Variants in COL18A1 observed in about 807,000 individuals in gnomAD.
COL18A1 encodes the protein collagen type XVIII alpha 1 chain.
COL18A1 carries 133 observed loss-of-function variants against 168.0 expected under a neutral mutation model. The observed-to-expected ratio is 0.79, with a 90% CI of 0.69 to 0.91. COL18A1 has a LOEUF of 0.91. Ranked by LOEUF, COL18A1 falls within the 40% of genes least tolerant of loss-of-function variation. The pLI is 0.00. For missense variants in COL18A1, 2,126 were observed against 1,925.4 expected (o/e 1.10, Z -1.95); for synonymous variants, 949 against 809.0 (o/e 1.17, Z -2.94).
At chr21:45,478,252 C>T (rs145155486) in intron 8 of COL18A1, 75 bp from the exon 9 acceptor site, 4 of 1,586,936 alleles carry the variant, frequency 2.5e-6, no homozygotes, top group Non-Finnish European at 3.5e-6. Context: ...GCGTGGGGTG[C>T]ATTTCCATGT....
chr21:45,497,201 C>A, intron 31 of COL18A1, 109 bp downstream of exon 31: 1 of 798,036 alleles, frequency 1.3e-6, no homozygotes, highest in Admixed American at 1.9e-5. Flanking sequence ...TGGCCCAAGG[C>A]CAGTGCTACA....
chr21:45,408,792 C>T (rs2033200038), intron 2 of COL18A1, among the ~76,000 whole-genome samples: 1 of 152,128 alleles, frequency 6.6e-6, no homozygotes, highest in Admixed American at 6.5e-5. Context: ...CTGGGTCTGG[C>T]TGTGGAGCGT....
At chr21:45,475,683 CTGGGCTGGGCAGA>C in intron 5 of COL18A1, 148 bp downstream of exon 5, 2 of 759,422 alleles carry the variant, frequency 2.6e-6, no homozygotes, top group African/African-American at 3.5e-5. Flanking sequence ...GACAGGGATG[CTGGGCTGGGCAGA>C]CGCTCGGAGC....
chr21:45,491,119 C>G (rs922234832), intron 21 of COL18A1, 106 bp from the exon 22 acceptor site: 12 of 1,069,084 alleles, frequency 1.1e-5, no homozygotes, highest in East Asian at 9.7e-5. Flanking sequence ...CGGGCGCCTC[C>G]TCACCCACCG....
intron 4 of COL18A1, among the ~76,000 whole-genome samples, chr21:45,475,199 C>G (rs1376103662): frequency 4.6e-5 from 7 of 152,202 alleles, no homozygotes; most frequent in African/African-American, 1.7e-4. Flanking sequence ...GTTCCCCCTC[C>G]CGCCTCCGCA....
At chr21:45,479,581 TCACA>T (rs374162848) in intron 9 of COL18A1, among the ~76,000 whole-genome samples, 1 of 150,714 alleles carries the variant, frequency 6.6e-6, no homozygotes, top group Non-Finnish European at 1.5e-5. Context: ...ACCACACTCC[TCACA>T]CACACACCAT....
chr21:45,477,823 C>G lies in COL18A1; in HGVS notation c.1079C>G (p.Pro360Arg), dbSNP rs780234990. The change falls in exon 8 of 42, where the codon CCA becomes CGA. Residue 360 changes from proline to arginine, a missense_variant. Coordinates refer to ENST00000651438, the MANE Select transcript of COL18A1 (RefSeq NM_001379500.1). Reference protein sequence around the residue: ...PPGRAGPPGSPCLPGPPGLPC... With the variant: ...PPGRAGPPGSRCLPGPPGLPC... ...GGCCGGGCAGGCCCCCCAGGATCCC[C>G]ATGCCTACCTGGTCCCCCGGGTCTC... 4.5e-6 allele frequency: 7 copies of G among 1,552,396 alleles called. No homozygotes were observed. In the Admixed American group the frequency reaches 7.8e-5, roughly 17 times the overall value.
In COL18A1 at chr21:45,497,643, G is replaced by A. The variant is rs1280054817; in HGVS notation, c.2665G>A (p.Gly889Ser). 18 of 1,568,616 alleles carry A rather than the reference G, an allele frequency of 1.1e-5. No individual in the cohort carries two copies. The highest frequency in any genetic ancestry group is 2.4e-5 in the East Asian group (1 of 42,302). ...ACCCAAGGGCGCCAAAGGAGAAGTG[G>A]GCCCCCCCGGACCACCAGGTGAGCA... ...PGPKGAKGEV[G>S]PPGPPGQFPF... Residue 889 changes from glycine to serine, a missense_variant, in exon 32 of 42, where the codon GGC (glycine) becomes AGC (serine). By Grantham distance (56) the Gly-to-Ser change is moderately conservative (BLOSUM62 0). Coordinates refer to ENST00000651438, the MANE Select transcript of COL18A1 (RefSeq NM_001379500.1).
At chr21:45,414,050 G>A (rs918112933) in intron 2 of COL18A1, among the ~76,000 whole-genome samples, 1 of 152,256 alleles carries the variant, frequency 6.6e-6, no homozygotes, top group Non-Finnish European at 1.5e-5. Flanking sequence ...AGGAGCAGGA[G>A]GAGGTGGAGG....
Position 45,509,508 on chromosome 21 carries a change from C to T in COL18A1, c.3402C>T (p.Tyr1134=), listed in dbSNP as rs1363628713. Reference sequence around the variant, plus strand: ...CTCGCCTGCCCGAGCCCCAGCCCTACCCCGGAGCCCCGCACCACAGCTCCT... The same window carrying T: ...CTCGCCTGCCCGAGCCCCAGCCCTATCCCGGAGCCCCGCACCACAGCTCCT... The part of the protein sequence containing the change: ...SPPRLPEPQP[Y]PGAPHHSSYV... The change falls in exon 39 of 42, where the codon TAC becomes TAT. Residue 1134 remains tyrosine (Y), a synonymous_variant. Transcript: ENST00000651438. The T allele has an allele frequency of 1.2e-5, 18 of 1,530,040 alleles. No homozygotes were observed. Among genetic ancestry groups the T allele is most frequent in the East Asian group, 2.4e-5 (1 of 41,838 alleles). 94.8% of individuals were successfully genotyped at this position (1,530,040 alleles called of 1,614,324 possible). A position where few individuals can be genotyped will look rare whatever the true frequency, so the allele number is the denominator to read the frequency against.
intron 15 of COL18A1, among the ~76,000 whole-genome samples, chr21:45,486,381 CCTCTCTT>C (rs2036112932): frequency 7.9e-6 from 1 of 126,498 alleles, no homozygotes; most frequent in Non-Finnish European, 1.6e-5. Context: ...TCTCCTCTCT[CCTCTCTT>C]CTCCCCTCGC....
intron 2 of COL18A1, chr21:45,467,363 G>T (rs1381059319): frequency 1.2e-5 from 12 of 985,332 alleles, no homozygotes; most frequent in African/African-American, 1.7e-5. Context: ...GTCACCCGGC[G>T]CTGTGGGGCA....
chr21:45,452,861 C>CT (rs773975636), intron 2 of COL18A1, among the ~76,000 whole-genome samples: 15 of 150,182 alleles, frequency 1.0e-4, no homozygotes, highest in South Asian at 2.1e-4. Flanking sequence ...ATGTGTGGGG[C>CT]TTGTGTATGC....
rs1021148493 is a variant in COL18A1, at chr21:45,476,434, C to T, written c.882C>T (p.Ser294=). 3.1e-6 allele frequency: 5 copies of T among 1,613,910 alleles called. No individual in the cohort carries two copies. The highest frequency in any genetic ancestry group is 1.3e-5 in the African/African-American group (1 of 74,918). ...PLAGGSSTED[S]RSEEVEEQTT... is the part of the protein sequence containing the mutation. ...CTGGAGGCAGCAGCACGGAAGATTC[C>T]AGAAGTGAAGAAGTCGAGGAGCAGA... is the stretch of plus-strand genomic sequence containing the variant. Residue 294 remains serine (S), a synonymous_variant, in exon 6 of 42, where the codon TCC becomes TCT. Coordinates refer to ENST00000651438, the MANE Select transcript of COL18A1 (RefSeq NM_001379500.1).
rs199498978 is a variant in COL18A1, at chr21:45,511,167, G to A, written c.3750G>A (p.Leu1250=). The A allele has an allele frequency of 1.6e-4, 249 of 1,601,752 alleles. 1 individual carries two copies. In the East Asian group the frequency reaches 4.3e-3, roughly 27 times the overall value. ...TGTTCTCAGGCTCTGAGGGTCCGCTGAAGCCCGGGGCACGCATCTTCTCCT... is the reference window on the plus strand; with the variant it reads ...TGTTCTCAGGCTCTGAGGGTCCGCTAAAGCCCGGGGCACGCATCTTCTCCT... ...EALFSGSEGP[L]KPGARIFSFD... is the part of the protein sequence containing the mutation. The change falls in exon 41 of 42, where the codon CTG becomes CTA. Residue 1250 remains leucine, a synonymous_variant. Coordinates refer to ENST00000651438, the MANE Select transcript of COL18A1 (RefSeq NM_001379500.1).
chr21:45,491,275 CGGACCCCCG>C lies in COL18A1; in HGVS notation c.2124_2132del (p.Pro709_Pro711del). On this transcript the variant is annotated inframe_deletion, in exon 22 of 42. Transcript: ENST00000651438. ...GGCAGCCGGGCCTCCCTGGCCCCCCCGGACCCCCGGGACCTGTGGTCTACGTGTCGGAGC... is the reference window on the plus strand; with the variant it reads ...GGCAGCCGGGCCTCCCTGGCCCCCCCGGACCTGTGGTCTACGTGTCGGAGC... 1 of 1,612,210 alleles carries C rather than the reference CGGACCCCCG, an allele frequency of 6.2e-7. No individual in the cohort carries two copies. The highest frequency in any genetic ancestry group is 1.1e-5 in the South Asian group (1 of 91,050).
chr21:45,484,438 ACAC>A (rs778107019), intron 15 of COL18A1, among the ~76,000 whole-genome samples: 2 of 150,244 alleles, frequency 1.3e-5, no homozygotes, highest in African/African-American at 2.5e-5. Flanking sequence ...GAGCACACAC[ACAC>A]CTCTCCAGCA....
chr21:45,501,280 AAG>A (rs2036807150), intron 32 of COL18A1, among the ~76,000 whole-genome samples: 2 of 152,072 alleles, frequency 1.3e-5, no homozygotes, highest in African/African-American at 2.4e-5. Context: ...CAAAGTGAAA[AAG>A]AAAAACACAA....
Position 45,480,248 on chromosome 21 carries a change from A to G in COL18A1, c.1398+92A>G, listed in dbSNP as rs940213114. 3 of 1,129,012 alleles carry G rather than the reference A, an allele frequency of 2.7e-6. No homozygotes were observed. In the Admixed American group the frequency reaches 5.9e-5, roughly 22 times the overall value. 69.9% of individuals were successfully genotyped at this position (1,129,012 alleles called of 1,614,324 possible). A position where few individuals can be genotyped will look rare whatever the true frequency, so the allele number is the denominator to read the frequency against. ...GCCCAGAAGTATCAGCTCCACCCTC[A>G]GGGGCTTGCGTGGGGTCTTGGCTGA... On this transcript the variant is annotated intron_variant, in intron 11 of 41. Coordinates refer to ENST00000651438, the MANE Select transcript of COL18A1 (RefSeq NM_001379500.1).
Sources: gnomAD v4.1 joint callset for allele counts (sites outside exome capture counted in the v4.1 genomes callset) on GRCh38, gnomAD v4.1.1 for gene constraint, MANE v1.5 for transcripts, NCBI Gene and HGNC (gene_info 2026-07-23, HGNC 2026-07-21) for gene names.